Variants in CUX1 observed in about 807,000 individuals in gnomAD.
CUX1 encodes protein CASP.
CUX1 carries 31 observed loss-of-function variants against 158.8 expected under a neutral mutation model. The ratio of observed to expected loss-of-function variants is 0.20; its 90% confidence interval spans 0.15 to 0.26. The LOEUF is 0.26. Among genes scored for constraint, CUX1 ranks in the 10% least tolerant of loss-of-function variants. The pLI is 1.00. For synonymous variants in CUX1, 879 were observed against 862.1 expected, an observed-to-expected ratio of 1.02 and a Z score of -0.34; for missense variants, 1,589 against 2,014.6, an observed-to-expected ratio of 0.79 and a Z score of 4.04.
chr7:101,943,907 C>T (rs1021246274), intron 2 of CUX1, among the ~76,000 whole-genome samples: 1 of 151,070 alleles, frequency 6.6e-6, no homozygotes, highest in African/African-American at 2.4e-5. Flanking sequence ...CGCCTTGAGC[C>T]CAGGAGTTTG....
intron 2 of CUX1, among the ~76,000 whole-genome samples, chr7:101,940,078 TAA>T (rs1180448927): frequency 3.7e-4 from 43 of 115,096 alleles, no homozygotes; most frequent in Admixed American, 3.6e-4. Context: ...AGACTCCATC[TAA>T]AAAAAAAAAA....
At chr7:101,910,133 C>G (rs768780198) in intron 1 of CUX1, among the ~76,000 whole-genome samples, 1 of 151,950 alleles carries the variant, frequency 6.6e-6, no homozygotes. Flanking sequence ...GATGGCCAAG[C>G]TGGTTTCGAA....
At chr7:101,885,299 G>T (rs1277658668) in intron 1 of CUX1, among the ~76,000 whole-genome samples, 1 of 152,166 alleles carries the variant, frequency 6.6e-6, no homozygotes, top group African/African-American at 2.4e-5. Flanking sequence ...CAATGTTTAT[G>T]CAGAGGTGAC....
At chr7:101,929,693 G>A (rs1172600836) in intron 2 of CUX1, among the ~76,000 whole-genome samples, 1 of 152,118 alleles carries the variant, frequency 6.6e-6, no homozygotes, top group African/African-American at 2.4e-5. Flanking sequence ...GCCCCTGGAA[G>A]TCACCCTGGG....
At chr7:102,106,522 C>A (rs1554488513) in intron 6 of CUX1, among the ~76,000 whole-genome samples, 2 of 152,156 alleles carry the variant, frequency 1.3e-5, no homozygotes, top group Non-Finnish European at 2.9e-5. Flanking sequence ...ACATGCCCAC[C>A]AGTGTGCCAC....
chr7:102,185,027 G>A (rs1198488999), intron 11 of CUX1, among the ~76,000 whole-genome samples: 5 of 152,248 alleles, frequency 3.3e-5, no homozygotes, highest in Non-Finnish European at 7.3e-5. Flanking sequence ...CCTTGACAGC[G>A]GGAGCCACTC....
intron 2 of CUX1, among the ~76,000 whole-genome samples, chr7:102,023,450 A>T (rs1585313398): frequency 6.6e-6 from 1 of 152,108 alleles, no homozygotes; most frequent in Non-Finnish European, 1.5e-5. Flanking sequence ...CTAACCGACG[A>T]TGGAGAATTC....
intron 1 of CUX1, among the ~76,000 whole-genome samples, chr7:101,881,705 G>A (rs1417049365): frequency 6.6e-6 from 1 of 152,156 alleles, no homozygotes; most frequent in African/African-American, 2.4e-5. Flanking sequence ...AGGCTGTAGG[G>A]CCATGTGATT....
At chr7:101,988,515 C>G (rs955517074) in intron 2 of CUX1, among the ~76,000 whole-genome samples, 6 of 152,262 alleles carry the variant, frequency 3.9e-5, no homozygotes, top group African/African-American at 1.4e-4. Context: ...TGTGTGTCTC[C>G]CTGCTCCTCC....
chr7:101,956,523 C>T (rs1336233336), intron 2 of CUX1, among the ~76,000 whole-genome samples: 3 of 152,146 alleles, frequency 2.0e-5, no homozygotes, highest in Non-Finnish European at 4.4e-5. Context: ...AAAACTTCTT[C>T]AGGGGTAAAC....
At chr7:102,277,954 C>G in exon 18 of CUX1, 1 of 1,384,448 alleles carries the variant, frequency 7.2e-7, no homozygotes, top group East Asian at 2.7e-5. Context: ...CCCAGGAGAA[C>G]CGCCTGGCCC....
At chr7:102,210,598 T>G (rs995521369) in intron 20 of CUX1, among the ~76,000 whole-genome samples, 5 of 152,208 alleles carry the variant, frequency 3.3e-5, no homozygotes, top group African/African-American at 1.2e-4. Flanking sequence ...TTCAGGTGTA[T>G]TATGGCTATC....
chr7:101,905,816 A>G (rs1802686353), intron 1 of CUX1, among the ~76,000 whole-genome samples: 2 of 152,272 alleles, frequency 1.3e-5, no homozygotes, highest in East Asian at 1.9e-4. Flanking sequence ...TCTTTGGGCA[A>G]GCGCTTGCTT....
Position 101,869,689 on chromosome 7 carries a change from C to T in CUX1, c.31-46426C>T, listed in dbSNP as rs1277619460. On this transcript the variant is annotated intron_variant, in intron 1 of 23. Coordinates refer to ENST00000292535, the MANE Select transcript of CUX1 (RefSeq NM_181552.4). The surrounding 1 kb of genome is among the most constrained non-coding windows in gnomAD (Gnocchi z 4.5). ...CGTGTCCTCAGGACACCATGGAAGA[C>T]GGCAGGACACACGTGCGAGCCACAG... is the stretch of plus-strand genomic sequence containing the variant. Among the ~76,000 whole-genome samples, 2 of 152,102 alleles carry T rather than the reference C, an allele frequency of 1.3e-5. No individual in the cohort carries two copies. The highest frequency in any genetic ancestry group is 2.1e-4 in the South Asian group (1 of 4,826).
At chr7:101,954,679 C>T (rs1391557516) in intron 2 of CUX1, among the ~76,000 whole-genome samples, 1 of 152,066 alleles carries the variant, frequency 6.6e-6, no homozygotes, top group Non-Finnish European at 1.5e-5. Context: ...GCCACCATTG[C>T]CCATGGTAGC....
intron 2 of CUX1, among the ~76,000 whole-genome samples, chr7:101,942,718 C>T (rs927058528): frequency 6.6e-5 from 10 of 152,356 alleles, no homozygotes; most frequent in East Asian, 1.9e-4. Context: ...CCCCCTGCGT[C>T]GACCTCCCAA....
chr7:102,104,816 C>T (rs532657003), intron 6 of CUX1, among the ~76,000 whole-genome samples: 4 of 152,230 alleles, frequency 2.6e-5, no homozygotes, highest in South Asian at 2.1e-4. Context: ...CACTTGAACC[C>T]GGGAGGCAGA....
intron 2 of CUX1, among the ~76,000 whole-genome samples, chr7:102,026,559 C>T (rs1405729862): frequency 6.6e-6 from 1 of 151,994 alleles, no homozygotes. Flanking sequence ...GTGGCTCATG[C>T]CTGTAATCCC....
At chr7:102,099,209 G>A (rs960557186) in intron 5 of CUX1, among the ~76,000 whole-genome samples, 1 of 152,154 alleles carries the variant, frequency 6.6e-6, no homozygotes, top group African/African-American at 2.4e-5. Context: ...GGGGCACGAG[G>A]TGACAGGCAG....
Sources: gnomAD v4.1 joint callset for allele counts (sites outside exome capture counted in the v4.1 genomes callset) on GRCh38, gnomAD v4.1.1 for gene constraint, Gnocchi (gnomAD v3.1) non-coding constraint, MANE v1.5 for transcripts, NCBI Gene and HGNC (gene_info 2026-07-23, HGNC 2026-07-21) for gene names.